Variants in ST3GAL2 observed in about 807,000 individuals in gnomAD.
ST3GAL2 encodes the protein ST3 beta-galactoside alpha-2,3-sialyltransferase 2.
A neutral mutation model predicts 37.5 loss-of-function variants in ST3GAL2; 16 were observed. The ratio of observed to expected loss-of-function variants is 0.43; its 90% CI spans 0.29 to 0.65. The LOEUF (loss-of-function observed/expected upper bound fraction) is 0.65. Among genes scored for constraint, ST3GAL2 ranks in the 30% least tolerant of loss-of-function variants. The pLI is 0.17. For missense variants in ST3GAL2, 383 were observed against 487.8 expected, an observed-to-expected ratio of 0.79 and a Z score of 2.02; for synonymous variants, 238 against 202.9, an observed-to-expected ratio of 1.17 and a Z score of -1.47.
At chr16:70,433,323 G>A (rs2047803958) in intron 1 of ST3GAL2, among the ~76,000 whole-genome samples, 1 of 151,998 alleles carries the variant, frequency 6.6e-6, no homozygotes, top group Admixed American at 6.6e-5. Flanking sequence ...TTATGACCCA[G>A]CCATACCCTG....
At chr16:70,385,195 C>T (rs766948893) in intron 4 of ST3GAL2, among the ~76,000 whole-genome samples, 1 of 152,062 alleles carries the variant, frequency 6.6e-6, no homozygotes, top group Non-Finnish European at 1.5e-5. Context: ...GTCTCAGCTA[C>T]TCGGGAGGCT....
chr16:70,433,048 C>G (rs528393711), intron 1 of ST3GAL2, among the ~76,000 whole-genome samples: 1 of 152,246 alleles, frequency 6.6e-6, no homozygotes, highest in South Asian at 2.1e-4. Flanking sequence ...AAGCACACAG[C>G]TCCTCCAAAG....
intron 1 of ST3GAL2, among the ~76,000 whole-genome samples, chr16:70,431,562 T>C (rs958058019): frequency 6.6e-6 from 1 of 152,022 alleles, no homozygotes; most frequent in African/African-American, 2.4e-5. Context: ...GTTGTGTTAA[T>C]TATCACCAAC....
intron 3 of ST3GAL2, 26 bp from the exon 4 acceptor site, chr16:70,388,572 GA>G (rs1229429354): frequency 6.5e-7 from 1 of 1,537,832 alleles, no homozygotes; most frequent in East Asian, 2.3e-5. Context: ...GGTGACATGA[GA>G]ATCAACTGCC....
At chr16:70,436,293 T>C (rs2047824926) in intron 1 of ST3GAL2, among the ~76,000 whole-genome samples, 1 of 151,962 alleles carries the variant, frequency 6.6e-6, no homozygotes, top group African/African-American at 2.4e-5. Flanking sequence ...CGGGGTGTCG[T>C]GGCGTATGCC....
Position 70,382,873 on chromosome 16 carries a change from C to A in ST3GAL2, c.811G>T (p.Glu271Ter). Reference protein sequence around the residue: ...FFKYIHDRWTEHHGRYPSTGM... With the variant: ...FFKYIHDRWT ...GTGGAAGGGTACCGCCCGTGATGCTCTGTCCACCTGTCGTGGATATACTTG... is the reference window on the plus strand; with the variant it reads ...GTGGAAGGGTACCGCCCGTGATGCTATGTCCACCTGTCGTGGATATACTTG... The change falls in exon 6 of 7, where the codon GAG becomes TAG. Residue 271 changes from glutamate to a stop codon, truncating the protein, a stop_gained. Coordinates refer to ENST00000342907, the MANE Select transcript of ST3GAL2 (RefSeq NM_006927.4). LOFTEE classifies it high-confidence loss of function. 6.2e-7 allele frequency: 1 copy of A among 1,614,088 alleles called. No individual in the cohort carries two copies. Among genetic ancestry groups the A allele is most frequent in the South Asian group, 1.1e-5 (1 of 91,060 alleles).
At chr16:70,388,615 G>C in intron 3 of ST3GAL2, 69 bp from the exon 4 acceptor site, 1 of 1,499,848 alleles carries the variant, frequency 6.7e-7, no homozygotes, top group Non-Finnish European at 8.9e-7. Flanking sequence ...TTAGAGGACA[G>C]TTCGAAGCCA....
At chr16:70,404,458 T>C (rs2047575649) in intron 1 of ST3GAL2, among the ~76,000 whole-genome samples, 1 of 152,116 alleles carries the variant, frequency 6.6e-6, no homozygotes, top group African/African-American at 2.4e-5. Flanking sequence ...TCAACGTCAT[T>C]AATCATCAGG....
intron 1 of ST3GAL2, among the ~76,000 whole-genome samples, chr16:70,431,754 G>A (rs898625256): frequency 4.6e-5 from 7 of 151,562 alleles, no homozygotes; most frequent in Non-Finnish European, 7.4e-5. Context: ...ACGAGGTCAT[G>A]AGATCGAGAC....
intron 3 of ST3GAL2, 56 bp from the exon 4 acceptor site, chr16:70,388,602 T>C: frequency 6.6e-7 from 1 of 1,521,426 alleles, no homozygotes. Flanking sequence ...TGATACAAGA[T>C]TCTTAGAGGA....
intron 1 of ST3GAL2, among the ~76,000 whole-genome samples, chr16:70,415,095 C>T (rs953204419): frequency 1.3e-5 from 2 of 152,044 alleles, no homozygotes; most frequent in Non-Finnish European, 2.9e-5. Context: ...AGGATGGTCT[C>T]GATCTCCTTA....
intron 3 of ST3GAL2, among the ~76,000 whole-genome samples, chr16:70,392,339 G>A (rs1222960289): frequency 6.6e-6 from 1 of 152,234 alleles, no homozygotes; most frequent in African/African-American, 2.4e-5. Context: ...AGCAGGACGA[G>A]GAGGATGAGC....
At chr16:70,383,628 G>A (rs949723844) in intron 4 of ST3GAL2, among the ~76,000 whole-genome samples, 1 of 142,890 alleles carries the variant, frequency 7.0e-6, no homozygotes, top group African/African-American at 3.0e-5. Flanking sequence ...AAAGGAGAAA[G>A]GAAAAGAAGG....
In ST3GAL2 at chr16:70,395,138, T is replaced by A; in HGVS notation, c.377A>T (p.Glu126Val). Residue 126 changes from glutamate to valine, a missense_variant, in exon 3 of 7, where the codon GAG (glutamate) becomes GTG (valine). Physicochemically the swap from Glu to Val is moderately radical, Grantham distance 121. Around this residue, in one of 2 missense-constraint regions of ST3GAL2, gnomAD observed 223 missense variants for 239.1 expected, o/e 0.93. Transcript: ENST00000342907. ...TATCTGGAACAGCTTCTCCAGCACC[T>A]CATTGGTGTTGTGTGACTTGAACTG... ...QPQFKSHNTN[E>V]VLEKLFQIVP... The A allele has an allele frequency of 6.2e-7, 1 of 1,611,098 alleles. No individual in the cohort carries two copies. Among genetic ancestry groups the A allele is most frequent in the Non-Finnish European group, 8.5e-7 (1 of 1,178,714 alleles).
chr16:70,397,259 TCTCGAA>T (rs974480319), intron 2 of ST3GAL2, among the ~76,000 whole-genome samples: 7 of 149,564 alleles, frequency 4.7e-5, no homozygotes, highest in African/African-American at 1.7e-4. Context: ...GTCAGGCTGG[TCTCGAA>T]CTCCTGACCT....
chr16:70,423,642 A>G (rs1037092930), intron 1 of ST3GAL2, among the ~76,000 whole-genome samples: 6 of 147,510 alleles, frequency 4.1e-5, no homozygotes, highest in Non-Finnish European at 8.9e-5. Context: ...CTCAACTTCC[A>G]CTTCCTGATC....
chr16:70,411,562 G>C (rs151020277), intron 1 of ST3GAL2, among the ~76,000 whole-genome samples: 77 of 152,124 alleles, frequency 5.1e-4, no homozygotes, highest in South Asian at 2.1e-3. Flanking sequence ...AAGATCGAGG[G>C]TCCTTCATGT....
intron 1 of ST3GAL2, among the ~76,000 whole-genome samples, chr16:70,403,506 A>G (rs1034111698): frequency 1.1e-4 from 17 of 151,898 alleles, no homozygotes; most frequent in Admixed American, 3.3e-4. Context: ...ACACAGCAAG[A>G]CCCCATCTCC....
At chr16:70,429,983 T>C (rs966181853) in intron 1 of ST3GAL2, among the ~76,000 whole-genome samples, 5 of 152,168 alleles carry the variant, frequency 3.3e-5, no homozygotes, top group South Asian at 2.1e-4. Flanking sequence ...AAGAATCCTA[T>C]ATGCATTCAA....
Sources: allele counts gnomAD v4.1 joint callset (sites outside exome capture counted in the v4.1 genomes callset), GRCh38; gene constraint gnomAD v4.1.1; regional missense constraint gnomAD v4.1.1; transcripts MANE v1.5; gene names NCBI Gene and HGNC (gene_info 2026-07-23, HGNC 2026-07-21).